FANCA: variants seen among roughly 807,000 people sequenced by gnomAD.
FANCA encodes the protein FA complementation group A.
A neutral mutation model predicts 194.3 loss-of-function variants in FANCA; 236 were observed. That is an observed-to-expected ratio of 1.21 (90% CI 1.09 to 1.35). The LOEUF is 1.35. Among genes scored for constraint, FANCA ranks in the 40% most tolerant of loss-of-function variants. FANCA has a pLI of 0.00. For missense variants in FANCA, 2,628 were observed against 1,813.9 expected (o/e 1.45, Z -8.15); for synonymous variants, 1,014 against 715.8 (o/e 1.42, Z -6.65).
rs1181917887 is a variant in FANCA, at chr16:89,784,950, G to A, written c.1374C>T (p.Ser458=). 1.9e-6 allele frequency: 3 copies of A among 1,613,852 alleles called. No individual in the cohort carries two copies. The African/African-American group carries it at 4.0e-5, about 22-fold the overall frequency. Residue 458 remains serine, a synonymous_variant, in exon 15 of 43, where the codon AGC becomes AGT. Transcript: ENST00000389301. ...TGCTGCAGCCATGGTAGCCTCGTGT[G>A]CTCCCAAAGGAGGCCTGTGTGGAGA... ...YADWFKASFG[S]TRGYHGCSKK...
Position 89,791,690 on chromosome 16 carries a change from G to A in FANCA, c.1226-154C>T, listed in dbSNP as rs181100179. The stretch of plus-strand genomic sequence containing the variant: ...CTACACAGCAATTACAGCATGTCAA[G>A]TGCAAACCACTAGAGACCTGAATGA... On this transcript the variant is annotated intron_variant, in intron 13 of 42. Coordinates refer to ENST00000389301, the MANE Select transcript of FANCA (RefSeq NM_000135.4). 43 of 1,153,276 alleles carry A rather than the reference G, an allele frequency of 3.7e-5. No homozygotes were observed. The Admixed American group carries it at 6.0e-4, about 16-fold the overall frequency. The allele number at this position is 1,153,276 out of a possible 1,614,324, so 71.4% of individuals were successfully genotyped here.
In FANCA at chr16:89,803,343, T is replaced by G; in HGVS notation, c.710-2A>C. On this transcript the variant is annotated splice_acceptor_variant, in intron 7 of 42. Transcript: ENST00000389301. LOFTEE classifies it high-confidence loss of function. ...TCAAAACAAACATTTGAACAAAATC[T>G]GAAAAACCATAAAACCAAAGTTATT... is the stretch of plus-strand genomic sequence containing the variant. The G allele has an allele frequency of 2.5e-6, 4 of 1,613,906 alleles. No individual in the cohort carries two copies. The highest frequency in any genetic ancestry group is 3.4e-6 in the Non-Finnish European group (4 of 1,179,796).
intron 36 of FANCA, 110 bp from the exon 37 acceptor site, chr16:89,743,048 G>C (rs538131885): frequency 3.1e-6 from 4 of 1,307,184 alleles, no homozygotes; most frequent in Non-Finnish European, 1.0e-6. Flanking sequence ...CTTTCCATCA[G>C]AGGACAGAGA....
chr16:89,812,198 G>C (rs1032451269), intron 3 of FANCA, among the ~76,000 whole-genome samples: 9 of 151,806 alleles, frequency 5.9e-5, no homozygotes, highest in African/African-American at 2.2e-4. Context: ...AATTAGCCAG[G>C]TTTGGTGACG....
At chr16:89,813,713 G>A (rs143107524) in intron 3 of FANCA, among the ~76,000 whole-genome samples, 2 of 152,230 alleles carry the variant, frequency 1.3e-5, no homozygotes, top group South Asian at 2.1e-4. Flanking sequence ...GATTATAGGC[G>A]TGAGCCACTG....
At chr16:89,750,796 A>AC (rs541944222) in intron 31 of FANCA, among the ~76,000 whole-genome samples, 23 of 131,928 alleles carry the variant, frequency 1.7e-4, no homozygotes, top group African/African-American at 4.2e-4. Flanking sequence ...AAACAACAAC[A>AC]AAAAAAAACA....
intron 29 of FANCA, among the ~76,000 whole-genome samples, chr16:89,761,428 A>G (rs1291583417): frequency 6.6e-6 from 1 of 151,576 alleles, no homozygotes; most frequent in Non-Finnish European, 1.5e-5. Flanking sequence ...CAGAAAAAAA[A>G]AAAAAAAAAG....
intron 12 of FANCA, 97 bp downstream of exon 12, chr16:89,792,374 G>T: frequency 1.5e-6 from 2 of 1,296,788 alleles, no homozygotes; most frequent in Non-Finnish European, 2.2e-6. Context: ...TGAACCTCTC[G>T]ATGTGCCGTC....
chr16:89,737,861 C>T lies in FANCA; in HGVS notation c.*740G>A, dbSNP rs1164171987. On this transcript the variant is annotated 3_prime_UTR_variant, in exon 43 of 43. Transcript: ENST00000389301. ...GACAAACCTTCAAGCAGCGGAAGCACCTTCTCGTCCACCAAATGCGACATT... is the reference window on the plus strand; with the variant it reads ...GACAAACCTTCAAGCAGCGGAAGCATCTTCTCGTCCACCAAATGCGACATT... 3 of 1,614,206 alleles carry T rather than the reference C, an allele frequency of 1.9e-6. No individual in the cohort carries two copies. The highest frequency in any genetic ancestry group is 1.7e-6 in the Non-Finnish European group (2 of 1,180,048).
intron 14 of FANCA, among the ~76,000 whole-genome samples, chr16:89,788,626 G>A (rs1177003737): frequency 2.0e-5 from 3 of 151,978 alleles, no homozygotes; most frequent in East Asian, 3.9e-4. Flanking sequence ...GTATGACATT[G>A]TATTTACAAA....
At chr16:89,808,633 G>C (rs1418072069) in intron 5 of FANCA, among the ~76,000 whole-genome samples, 2 of 152,038 alleles carry the variant, frequency 1.3e-5, no homozygotes, top group African/African-American at 2.4e-5. Flanking sequence ...ACGCACTGTA[G>C]CCTACTTCTA....
rs769716206 is a variant in FANCA at position 89,783,083 on chromosome 16, G to A, written c.1490C>T (p.Pro497Leu). 1 of 1,613,600 alleles carries A rather than the reference G, an allele frequency of 6.2e-7. No homozygotes were observed. Among genetic ancestry groups the A allele is most frequent in the South Asian group, 1.1e-5 (1 of 91,056 alleles). ...GGAGCGGTACTTGCCGGGAACCAGGGGTGGGTGGAGAATGTGCACCTGAGG... is the reference window on the plus strand; with the variant it reads ...GGAGCGGTACTTGCCGGGAACCAGGAGTGGGTGGAGAATGTGCACCTGAGG... ...RYLQVHILHP[P>L]LVPGKYRSLL... Residue 497 changes from proline to leucine, a missense_variant, in exon 16 of 43, where the codon CCC (proline) becomes CTC (leucine). Pro to Leu is a moderately conservative substitution (Grantham distance 98). Coordinates refer to ENST00000389301, the MANE Select transcript of FANCA (RefSeq NM_000135.4).
chr16:89,773,566 CA>C (rs1263554749), intron 21 of FANCA, among the ~76,000 whole-genome samples, 182 bp from the exon 22 acceptor site: 1 of 151,994 alleles, frequency 6.6e-6, no homozygotes, highest in African/African-American at 2.4e-5. Flanking sequence ...CTGGATGCCA[CA>C]TCGAAAATTA....
chr16:89,812,646 C>CAAAAAAAGAAAAAAAA (rs2040932505), intron 3 of FANCA, among the ~76,000 whole-genome samples: 1 of 42,358 alleles, frequency 2.4e-5, no homozygotes, highest in Non-Finnish European at 5.7e-5. Context: ...TACTCCGTCT[C>CAAAAAAAGAAAAAAAA]AAAAAAAAAA....
chr16:89,812,311 C>G (rs902762176), intron 3 of FANCA, among the ~76,000 whole-genome samples: 24 of 150,670 alleles, frequency 1.6e-4, no homozygotes, highest in African/African-American at 5.9e-4. Context: ...ACACTGCAGT[C>G]TGGGCGACAG....
chr16:89,814,909 C>T (rs979015353), intron 2 of FANCA, among the ~76,000 whole-genome samples: 4 of 151,976 alleles, frequency 2.6e-5, no homozygotes, highest in Non-Finnish European at 5.9e-5. Flanking sequence ...CCACTGCATA[C>T]CAGCCCAGGC....
intron 33 of FANCA, among the ~76,000 whole-genome samples, chr16:89,747,387 G>A (rs527577848): frequency 1.2e-4 from 18 of 152,164 alleles, no homozygotes; most frequent in Non-Finnish European, 1.8e-4. Context: ...CTAGTCTCAC[G>A]TCCTCTGCTT....
rs540640517 is a variant in FANCA at position 89,791,286 on chromosome 16, G to C, written c.1359+117C>G. On this transcript the variant is annotated intron_variant, in intron 14 of 42. Coordinates refer to ENST00000389301, the MANE Select transcript of FANCA (RefSeq NM_000135.4). ...AGATCTGCCAAGGCCACTCGGCAAA[G>C]CTGACAGCAAGGTTGCTCACTCACA... The C allele has an allele frequency of 5.7e-6, 8 of 1,404,884 alleles. No homozygotes were observed. In the Admixed American group the frequency reaches 9.8e-5, roughly 17 times the overall value. 87.0% of individuals were successfully genotyped at this position (1,404,884 alleles called of 1,614,324 possible). A position where few individuals can be genotyped will look rare whatever the true frequency, so the allele number is the denominator to read the frequency against.
rs1404762990 is a variant in FANCA, at chr16:89,773,292, T to C, written c.1993A>G (p.Thr665Ala). The change falls in exon 22 of 43, where the codon ACA becomes GCA. Residue 665 changes from threonine (T) to alanine (A), a missense_variant. Coordinates refer to ENST00000389301, the MANE Select transcript of FANCA (RefSeq NM_000135.4). The stretch of plus-strand genomic sequence containing the variant: ...TCACCATCACGCTGGCTGGGGTCTG[T>C]CATGGAGGCTCTCAGCTCTCCCAGT... Reference protein sequence around the residue: ...AALGELRASMTDPSQRDVISA... With the variant: ...AALGELRASMADPSQRDVISA... 1.3e-6 allele frequency: 2 copies of C among 1,551,116 alleles called. No individual in the cohort carries two copies. The highest frequency in any genetic ancestry group is 1.7e-6 in the Non-Finnish European group (2 of 1,146,878).
Sources: gnomAD v4.1 joint callset for allele counts (sites outside exome capture counted in the v4.1 genomes callset) on GRCh38, gnomAD v4.1.1 for gene constraint, MANE v1.5 for transcripts, NCBI Gene and HGNC (gene_info 2026-07-23, HGNC 2026-07-21) for gene names.